Variants in PSD3 observed in about 807,000 individuals in gnomAD.
PSD3 encodes the protein pleckstrin and Sec7 domain containing 3.
A neutral mutation model predicts 105.5 loss-of-function variants in PSD3; 49 were observed. The ratio of observed to expected loss-of-function variants is 0.46; its 90% CI spans 0.37 to 0.59. PSD3 has a LOEUF of 0.59. PSD3 is among the 20% of genes least tolerant of loss of function. The probability of loss-of-function intolerance (pLI) is 0.00; values close to 1 mark genes in which losing one functional copy is unlikely to be tolerated. For synonymous variants in PSD3, 557 were observed against 457.8 expected, an observed-to-expected ratio of 1.22 and a Z score of -2.77; for missense variants, 1,561 against 1,263.8, an observed-to-expected ratio of 1.24 and a Z score of -3.57.
At chr8:18,561,078 C>T (rs1801369445) in intron 14 of PSD3, among the ~76,000 whole-genome samples, 1 of 152,204 alleles carries the variant, frequency 6.6e-6, no homozygotes. Context: ...CTAGCAATCC[C>T]ACTTCTGAGT....
chr8:18,976,704 T>C (rs138519008), intron 1 of PSD3, among the ~76,000 whole-genome samples: 1 of 152,374 alleles, frequency 6.6e-6, no homozygotes, highest in East Asian at 1.9e-4. Context: ...CTAATAATAA[T>C]ATAAATCACA....
intron 1 of PSD3, among the ~76,000 whole-genome samples, chr8:18,966,834 G>A (rs1033832230): frequency 6.6e-6 from 1 of 152,042 alleles, no homozygotes; most frequent in Non-Finnish European, 1.5e-5. Context: ...ATGCAAAATT[G>A]GCATAAAATT....
intron 9 of PSD3, among the ~76,000 whole-genome samples, chr8:18,670,214 T>G (rs1799699879): frequency 6.6e-6 from 1 of 152,074 alleles, no homozygotes; most frequent in Admixed American, 6.5e-5. Context: ...GGTAAGCAGC[T>G]CCTGGGCACC....
chr8:19,043,654 A>G (rs2129476791), intron 1 of PSD3, among the ~76,000 whole-genome samples: 1 of 152,256 alleles, frequency 6.6e-6, no homozygotes. Context: ...AGAGGTGGTT[A>G]AGCACTAAGA....
rs117104994 is a variant in PSD3 at position 18,583,388 on chromosome 8, G to A, written c.2482-8103C>T. Among the ~76,000 whole-genome samples the A allele has an allele frequency of 8.1e-4, 123 of 152,226 alleles. No individual in the cohort carries two copies. The East Asian group carries it at 0.021, about 26-fold the overall frequency. Reference sequence around the variant, plus strand: ...CAAGGCTGCAGTGAGCTGAGACACCGCCATTGCACTCCAGTTTGGGTAACA... The same window carrying A: ...CAAGGCTGCAGTGAGCTGAGACACCACCATTGCACTCCAGTTTGGGTAACA... On this transcript the variant is annotated intron_variant, in intron 12 of 15. Transcript: ENST00000327040.
chr8:18,789,533 AT>A (rs1456083742), intron 8 of PSD3, among the ~76,000 whole-genome samples: 1 of 152,184 alleles, frequency 6.6e-6, no homozygotes, highest in African/African-American at 2.4e-5. Flanking sequence ...TAAACAAAAG[AT>A]TTTGGGGCTT....
intron 14 of PSD3, among the ~76,000 whole-genome samples, chr8:18,560,780 G>T (rs894629443): frequency 6.6e-5 from 10 of 152,116 alleles, no homozygotes; most frequent in African/African-American, 2.4e-4. Context: ...ATTAAAAAAT[G>T]GGCAAAGGAC....
chr8:18,785,005 C>A (rs923458943), intron 8 of PSD3, among the ~76,000 whole-genome samples: 1 of 152,134 alleles, frequency 6.6e-6, no homozygotes, highest in African/African-American at 2.4e-5. Flanking sequence ...TTTCCCCTAA[C>A]AACCTGTCCC....
At chr8:18,556,711 C>T (rs144218794) in intron 14 of PSD3, among the ~76,000 whole-genome samples, 195 of 152,354 alleles carry the variant, frequency 1.3e-3, no homozygotes, top group African/African-American at 4.6e-3. Context: ...AAGCTGCACA[C>T]CTTGGCTTTC....
chr8:18,933,044 G>A lies in PSD3; in HGVS notation c.130+2990C>T, dbSNP rs193228630. ...TATGAGTAAGAACCATGTCTTCCAC[G>A]TCTTTGCACCTTCAATGTGCCCAAC... On this transcript the variant is annotated intron_variant, in intron 2 of 15. Coordinates refer to ENST00000327040, the MANE Select transcript of PSD3 (RefSeq NM_015310.4). Among the ~76,000 whole-genome samples, 22 of 152,296 alleles carry A rather than the reference G, an allele frequency of 1.4e-4. No individual in the cohort carries two copies. The East Asian group carries it at 2.1e-3, about 15-fold the overall frequency.
intron 2 of PSD3, among the ~76,000 whole-genome samples, chr8:18,911,685 G>C (rs1325663995): frequency 6.6e-6 from 1 of 152,086 alleles, no homozygotes; most frequent in African/African-American, 2.4e-5. Flanking sequence ...CTTTATGTTT[G>C]CTTTCCAAAC....
chr8:18,729,357 A>G (rs1442632663), intron 9 of PSD3, among the ~76,000 whole-genome samples: 1 of 152,228 alleles, frequency 6.6e-6, no homozygotes, highest in Non-Finnish European at 1.5e-5. Flanking sequence ...TGACTCCTTT[A>G]ACCCACAGCA....
intron 2 of PSD3, among the ~76,000 whole-genome samples, chr8:18,879,709 GCCTCTGGAGTA>G (rs1817992341): frequency 1.3e-5 from 2 of 152,138 alleles, no homozygotes; most frequent in African/African-American, 4.8e-5. Context: ...TCCAGCCTCA[GCCTCTGGAGTA>G]GCTGGAACCA....
chr8:18,613,316 G>A (rs948666438), intron 11 of PSD3, among the ~76,000 whole-genome samples: 1 of 152,058 alleles, frequency 6.6e-6, no homozygotes, highest in Non-Finnish European at 1.5e-5. Context: ...GAGGGGGTGG[G>A]GCCTTGGGAA....
chr8:18,532,596 A>C lies in PSD3; in HGVS notation c.*3147T>G, dbSNP rs1799677966. 1 of 152,234 alleles carries C rather than the reference A, an allele frequency of 6.6e-6. No homozygotes were observed. The highest frequency in any genetic ancestry group is 1.9e-4 in the East Asian group (1 of 5,196). 9.4% of individuals were successfully genotyped at this position (152,234 alleles called of 1,614,324 possible). On this transcript the variant is annotated 3_prime_UTR_variant, in exon 16 of 16. Transcript: ENST00000327040. ...TCATGGTTTTGCTGAGATTAATTAA[A>C]ATTCACAAAAGTATTGCTCAGTTTA...
intron 8 of PSD3, among the ~76,000 whole-genome samples, chr8:18,767,108 C>T (rs1438808438): frequency 6.6e-6 from 1 of 152,132 alleles, no homozygotes; most frequent in Non-Finnish European, 1.5e-5. Context: ...GTGTGAGACC[C>T]ATGGAAAATT....
intron 15 of PSD3, among the ~76,000 whole-genome samples, chr8:18,541,781 G>C (rs930787452): frequency 1.4e-5 from 2 of 147,606 alleles, no homozygotes; most frequent in African/African-American, 5.0e-5. Flanking sequence ...ATGGAGTTTC[G>C]CTGTTGTCAC....
intron 12 of PSD3, among the ~76,000 whole-genome samples, chr8:18,592,617 G>T (rs1803694384): frequency 6.6e-6 from 1 of 152,098 alleles, no homozygotes; most frequent in Non-Finnish European, 1.5e-5. Flanking sequence ...AAAAGTGATT[G>T]GTCTGTGTAT....
chr8:18,973,696 C>A (rs1240984088), intron 1 of PSD3, among the ~76,000 whole-genome samples: 1 of 152,192 alleles, frequency 6.6e-6, no homozygotes. Context: ...AAGGCCATAT[C>A]TGAAAAGGAT....
Sources: gnomAD v4.1 joint callset for allele counts (sites outside exome capture counted in the v4.1 genomes callset) on GRCh38, gnomAD v4.1.1 for gene constraint, MANE v1.5 for transcripts, NCBI Gene and HGNC (gene_info 2026-07-23, HGNC 2026-07-21) for gene names.